The following PMPCB variants were observed in gnomAD, a reference collection of about 807,000 sequenced individuals.
PMPCB encodes the protein peptidase, mitochondrial processing subunit beta, also known as mitochondrial-processing peptidase subunit beta.
In PMPCB, 46 loss-of-function variants were observed where a neutral mutation model predicts 61.5. The ratio of observed to expected loss-of-function variants is 0.75; its 90% confidence interval spans 0.59 to 0.96. The LOEUF is 0.96. PMPCB is among the 40% of genes least tolerant of loss of function. The pLI is 0.00. For missense variants in PMPCB, 590 were observed against 602.4 expected (o/e 0.98, Z 0.22); for synonymous variants, 191 against 201.6 (o/e 0.95, Z 0.44).
At chr7:103,329,693 T>A (rs1329896441), downstream of PMPCB, among the ~76,000 whole-genome samples, 1 of 152,230 alleles carries the variant, frequency 6.6e-6, no homozygotes, top group Non-Finnish European at 1.5e-5. Flanking sequence ...ACTATAATAG[T>A]AAATTTTACA....
chr7:103,304,810 G>A (rs1586043668), intron 6 of PMPCB, among the ~76,000 whole-genome samples: 1 of 151,940 alleles, frequency 6.6e-6, no homozygotes, highest in Admixed American at 6.6e-5. Context: ...AAAATACAAA[G>A]TAGCTGGGCG....
intron 6 of PMPCB, among the ~76,000 whole-genome samples, chr7:103,305,538 C>T (rs1035443154): frequency 6.6e-6 from 1 of 152,102 alleles, no homozygotes; most frequent in African/African-American, 2.4e-5. Flanking sequence ...GGATTACAGG[C>T]GTGACCCACC....
Position 103,319,712 on chromosome 7 carries a change from C to T in PMPCB, c.*1431+7581C>T, listed in dbSNP as rs1268222283. ...AAAAAAAGAAGAAATGAAACTTTAT[C>T]CTAAGCTCAAGTGAAGACTTCAATA... On this transcript the variant is annotated intron_variant and NMD_transcript_variant, in intron 12 of 12. Coordinates refer to the PMPCB transcript ENST00000444457. 3.1e-6 allele frequency: 5 copies of T among 1,613,982 alleles called. No individual in the cohort carries two copies. The South Asian group carries it at 5.5e-5, about 18-fold the overall frequency.
chr7:103,334,493 T>C (rs994453429), downstream of PMPCB, among the ~76,000 whole-genome samples: 5 of 151,658 alleles, frequency 3.3e-5, no homozygotes, highest in South Asian at 2.1e-4. Flanking sequence ...GGAGAACCAC[T>C]TGAACCCTGG....
intron 6 of PMPCB, 30 bp from the exon 7 acceptor site, chr7:103,307,566 T>A (rs754051883): frequency 1.7e-5 from 21 of 1,267,996 alleles, no homozygotes; most frequent in Non-Finnish European, 2.3e-5. Context: ...TGCTGCTAGA[T>A]ACATGTGAAA....
chr7:103,324,354 A>C, intron 12 of PMPCB: 1 of 725,684 alleles, frequency 1.4e-6, no homozygotes, highest in Non-Finnish European at 2.0e-6. Context: ...CATAGGTAAC[A>C]GAGTGCTTTT....
the PMPCB span, chr7:103,344,255 T>G: frequency 2.4e-6 from 1 of 425,478 alleles, no homozygotes. Flanking sequence ...GAGATGCTTA[T>G]GAGAACCTTT....
intron 12 of PMPCB, among the ~76,000 whole-genome samples, chr7:103,320,381 C>A (rs918196772): frequency 1.1e-4 from 16 of 152,056 alleles, no homozygotes; most frequent in African/African-American, 3.4e-4. Context: ...CCACCGCGCC[C>A]GGCTGTTTTT....
intron 12 of PMPCB, chr7:103,319,912 G>C: frequency 6.5e-7 from 1 of 1,540,646 alleles, no homozygotes; most frequent in Non-Finnish European, 8.9e-7. Flanking sequence ...TTACAAAGCT[G>C]TAATCCCAGC....
In PMPCB at chr7:103,297,440, CT is replaced by C. The variant is rs746092015; in HGVS notation, c.-19del. 20 of 1,538,914 alleles carry C rather than the reference CT, an allele frequency of 1.3e-5. No homozygotes were observed. Among genetic ancestry groups the C allele is most frequent in the Admixed American group, 2.0e-5 (1 of 50,346 alleles). On this transcript the variant is annotated 5_prime_UTR_variant, in exon 1 of 13. Coordinates refer to ENST00000249269, the MANE Select transcript of PMPCB (RefSeq NM_004279.3). ...ACCCCGGAAGCACATCCTTCATCCT[CT>C]ACCTTCCTTCTAGCAGAAATGGCGG... is the stretch of plus-strand genomic sequence containing the variant.
chr7:103,323,735 T>G (rs548595946), intron 12 of PMPCB: 145 of 1,157,152 alleles, frequency 1.3e-4, no homozygotes, highest in Middle Eastern at 4.1e-4. Flanking sequence ...TGCAAGTGAA[T>G]GAATTTGTTT....
rs757195416 is a variant in PMPCB at position 103,308,994 on chromosome 7, A to G, written c.892A>G (p.Ile298Val). 3.1e-5 allele frequency: 50 copies of G among 1,604,252 alleles called. No individual in the cohort carries two copies. Among genetic ancestry groups the G allele is most frequent in the African/African-American group, 9.4e-5 (7 of 74,440 alleles). ...CAAGATGCCTTTGGCGCACCTTGCA[A>G]TAGCTGTTGAAGCTGTTGGTTGGGC... is the stretch of plus-strand genomic sequence containing the variant. ...DDKMPLAHLA[I>V]AVEAVGWAHP... Residue 298 changes from isoleucine to valine, a missense_variant, in exon 8 of 13, where the codon ATA becomes GTA. Physicochemically the swap from Ile to Val is conservative, Grantham distance 29. Coordinates refer to ENST00000249269, the MANE Select transcript of PMPCB (RefSeq NM_004279.3).
At chr7:103,322,118 C>T in intron 12 of PMPCB, 1 of 1,433,900 alleles carries the variant, frequency 7.0e-7, no homozygotes, top group South Asian at 1.5e-5. Context: ...TTAATAGGTA[C>T]AGTAAAATTC....
At chr7:103,337,307 T>C in the PMPCB span, 4 of 153,478 alleles carry the variant, frequency 2.6e-5, no homozygotes, top group African/African-American at 9.7e-5. Context: ...TCAGACAACT[T>C]TTCTTGGACA....
chr7:103,306,987 G>C (rs759340541), intron 6 of PMPCB, among the ~76,000 whole-genome samples: 6 of 152,018 alleles, frequency 3.9e-5, no homozygotes, highest in Admixed American at 2.6e-4. Context: ...TTGAACTCCT[G>C]ATCTCAAGTG....
At chr7:103,317,051 A>G (rs1460141901), downstream of PMPCB, 1 of 1,550,522 alleles carries the variant, frequency 6.4e-7, no homozygotes. Context: ...TTAGAAGTAT[A>G]CTGTATTGCT....
intron 1 of PMPCB, 60 bp downstream of exon 1, chr7:103,297,618 C>T (rs971309054): frequency 5.6e-6 from 9 of 1,603,870 alleles, no homozygotes; most frequent in East Asian, 4.5e-5. Flanking sequence ...GCGCAGCGCA[C>T]CTGAGAGTCG....
In PMPCB at chr7:103,313,499, AAAAGAG is replaced by A. The variant is rs1817875768; in HGVS notation, c.*1229_*1234del. 7.1e-6 allele frequency: 7 copies of A among 985,076 alleles called. No homozygotes were observed. In the African/African-American group the frequency reaches 1.0e-4, roughly 15 times the overall value. The allele number at this position is 985,076 out of a possible 1,614,324, so 61.0% of individuals were successfully genotyped here. A position where few individuals can be genotyped will look rare whatever the true frequency, so the allele number is the denominator to read the frequency against. ...AAATCTACTTCCTTACAGAATAGGT[AAAAGAG>A]CTTCCTCACAGTTAAACTTTTGCTG... On this transcript the variant is annotated 3_prime_UTR_variant, in exon 13 of 13. Transcript: ENST00000249269.
chr7:103,344,911 A>G, the PMPCB span: 1 of 558,434 alleles, frequency 1.8e-6, no homozygotes, highest in Non-Finnish European at 3.2e-6. Flanking sequence ...TCCTAGGCGC[A>G]TCAGTTTTCC....
Sources: gnomAD v4.1 joint callset for allele counts (sites outside exome capture counted in the v4.1 genomes callset) on GRCh38, gnomAD v4.1.1 for gene constraint, MANE v1.5 for transcripts, NCBI Gene and HGNC (gene_info 2026-07-23, HGNC 2026-07-21) for gene names.